The following PON1 variants were observed in gnomAD, a reference collection of about 807,000 sequenced individuals.
PON1 encodes the protein paraoxonase 1.
PON1 carries 37 observed loss-of-function variants against 39.2 expected under a neutral mutation model. That is an observed-to-expected ratio of 0.94 (90% CI 0.73 to 1.24). The LOEUF (loss-of-function observed/expected upper bound fraction) is 1.24, where lower values mean the gene tolerates loss of function less well. Ranked by LOEUF, PON1 falls within the 50% of genes most tolerant of loss-of-function variation. The pLI is 0.00. For missense variants in PON1, 397 were observed against 413.5 expected, an observed-to-expected ratio of 0.96 and a Z score of 0.35; for synonymous variants, 148 against 152.2, an observed-to-expected ratio of 0.97 and a Z score of 0.21.
rs3917541 is a variant in PON1, at chr7:95,308,312, G to A, written c.498-101C>T. On this transcript the variant is annotated intron_variant, in intron 5 of 8. Coordinates refer to ENST00000222381, the MANE Select transcript of PON1 (RefSeq NM_000446.7). ...CACTGTCTATTCCTAAAATCAAGAT[G>A]TGGGATGGAGCCTTCGTGCTAGCTA... is the stretch of plus-strand genomic sequence containing the variant. The A allele has an allele frequency of 0.071, 78,208 of 1,098,950 alleles. 3,743 individuals are homozygous for A. The highest frequency in any genetic ancestry group is 0.17 in the African/African-American group (10,795 of 63,936). The allele number at this position is 1,098,950 out of a possible 1,614,324, so 68.1% of individuals were successfully genotyped here.
At chr7:95,312,248 C>T (rs1024567243) in intron 4 of PON1, among the ~76,000 whole-genome samples, 4 of 152,188 alleles carry the variant, frequency 2.6e-5, no homozygotes, top group African/African-American at 9.7e-5. Flanking sequence ...GGCTGGAGTG[C>T]AATGGCGCCA....
At chr7:95,310,932 G>A (rs969147732) in intron 5 of PON1, among the ~76,000 whole-genome samples, 26 of 152,094 alleles carry the variant, frequency 1.7e-4, no homozygotes, top group Non-Finnish European at 3.1e-4. Context: ...CATGAACAAG[G>A]TGCCTAGGGG....
Position 95,311,538 on chromosome 7 carries a change from G to T in PON1, c.410C>A (p.Ala137Asp). 6 of 1,613,886 alleles carry T rather than the reference G, an allele frequency of 3.7e-6. No homozygotes were observed. Among genetic ancestry groups the T allele is most frequent in the Non-Finnish European group, 5.1e-6 (6 of 1,179,838 alleles). The change falls in exon 5 of 9, where the codon GCC (alanine) becomes GAC (aspartate). Residue 137 changes from alanine to aspartate, a missense_variant. Ala to Asp is a moderately radical substitution (Grantham distance 126). Transcript: ENST00000222381. ...TTTAAACAACTCCACTGTGGACTTG[G>T]CATCTGGATGGTTCACCACCAGGAG... Reference protein sequence around the residue: ...MYLLVVNHPDAKSTVELFKFQ... With the variant: ...MYLLVVNHPDDKSTVELFKFQ...
intron 8 of PON1, among the ~76,000 whole-genome samples, chr7:95,301,468 C>G (rs1212853350): frequency 2.0e-5 from 3 of 152,112 alleles, no homozygotes; most frequent in Non-Finnish European, 4.4e-5. Context: ...AGTATGGCAT[C>G]ATTATGTTCT....
At chr7:95,321,454 A>G (rs1161797264) in intron 1 of PON1, among the ~76,000 whole-genome samples, 1 of 152,146 alleles carries the variant, frequency 6.6e-6, no homozygotes, top group Non-Finnish European at 1.5e-5. Flanking sequence ...GCTACTACAC[A>G]CGCCTCATTC....
chr7:95,306,154 CT>C (rs1169425944), intron 7 of PON1, 130 bp downstream of exon 7: 1 of 775,664 alleles, frequency 1.3e-6, no homozygotes, highest in African/African-American at 1.7e-5. Flanking sequence ...GCTAATGACT[CT>C]TAATAAAGGA....
At chr7:95,306,957 A>G (rs913914191) in intron 6 of PON1, among the ~76,000 whole-genome samples, 2 of 151,916 alleles carry the variant, frequency 1.3e-5, no homozygotes, top group Non-Finnish European at 2.9e-5. Flanking sequence ...ATTATCTTCT[A>G]TTTTTTGAAA....
Position 95,307,930 on chromosome 7 carries a change from T to C in PON1, c.698+81A>G, listed in dbSNP as rs527346006. The stretch of plus-strand genomic sequence containing the variant: ...TAGGGTAACATGTTAAAATGTATCA[T>C]ATTACTTAAAAAAAGAATATATTCC... On this transcript the variant is annotated intron_variant, in intron 6 of 8. Coordinates refer to ENST00000222381, the MANE Select transcript of PON1 (RefSeq NM_000446.7). The C allele has an allele frequency of 3.4e-5, 45 of 1,305,634 alleles. No individual in the cohort carries two copies. The African/African-American group carries it at 4.1e-4, about 12-fold the overall frequency. The allele number at this position is 1,305,634 out of a possible 1,614,324, so 80.9% of individuals were successfully genotyped here. A position where few individuals can be genotyped will look rare whatever the true frequency, so the allele number is the denominator to read the frequency against.
At chr7:95,315,758 T>C (rs1807754346) in intron 3 of PON1, among the ~76,000 whole-genome samples, 1 of 152,102 alleles carries the variant, frequency 6.6e-6, no homozygotes, top group Non-Finnish European at 1.5e-5. Flanking sequence ...TTCCAGCCCA[T>C]GAGAAAGATC....
At chr7:95,318,559 G>A (rs546582770) in intron 1 of PON1, 166 bp from the exon 2 acceptor site, 1 of 618,288 alleles carries the variant, frequency 1.6e-6, no homozygotes, top group South Asian at 1.8e-5. Flanking sequence ...AAGACAAGTG[G>A]GGAACTCTGG....
Position 95,318,372 on chromosome 7 carries a change from T to A in PON1, c.96A>T (p.Arg32=). ...SSYQTRLNAL[R]EVQPVELPNC... The stretch of plus-strand genomic sequence containing the variant: ...TAGGAAGTTCTACGGGTTGTACCTC[T>A]CGGAGAGCATTAAGTCGTGTTCTGT... Residue 32 remains arginine (R), a synonymous_variant, in exon 2 of 9, where the codon CGA becomes CGT. Coordinates refer to ENST00000222381, the MANE Select transcript of PON1 (RefSeq NM_000446.7). 1 of 1,609,480 alleles carries A rather than the reference T, an allele frequency of 6.2e-7. No individual in the cohort carries two copies. The highest frequency in any genetic ancestry group is 8.5e-7 in the Non-Finnish European group (1 of 1,175,820).
At chr7:95,308,348 C>T in intron 5 of PON1, 137 bp from the exon 6 acceptor site, 1 of 786,596 alleles carries the variant, frequency 1.3e-6, no homozygotes, top group Non-Finnish European at 2.1e-6. Flanking sequence ...TAATGGAACA[C>T]AATTAATATG....
At chr7:95,314,882 C>A (rs769122435) in intron 4 of PON1, among the ~76,000 whole-genome samples, 37 of 152,154 alleles carry the variant, frequency 2.4e-4, no homozygotes, top group Non-Finnish European at 4.9e-4. Context: ...AACCAGCGGA[C>A]AGGAGGCATT....
chr7:95,313,632 G>A (rs1230746613), intron 4 of PON1, among the ~76,000 whole-genome samples: 2 of 151,542 alleles, frequency 1.3e-5, no homozygotes, highest in Admixed American at 6.6e-5. Context: ...GTGTGTGTGT[G>A]TGTGTGTGTG....
intron 8 of PON1, among the ~76,000 whole-genome samples, chr7:95,299,322 T>C (rs975532466): frequency 6.6e-6 from 1 of 152,096 alleles, no homozygotes; most frequent in Admixed American, 6.5e-5. Flanking sequence ...TATCTAGACC[T>C]ACAGGGATGA....
chr7:95,319,517 C>T (rs1807850326), intron 1 of PON1, among the ~76,000 whole-genome samples: 1 of 151,970 alleles, frequency 6.6e-6, no homozygotes, highest in Non-Finnish European at 1.5e-5. Context: ...AACGTATAAC[C>T]AGAGTAAAGA....
At chr7:95,323,850 C>T (rs2116332655) in intron 1 of PON1, among the ~76,000 whole-genome samples, 1 of 152,174 alleles carries the variant, frequency 6.6e-6, no homozygotes, top group East Asian at 1.9e-4. Context: ...GATGCTGGCT[C>T]CAGGGTTCCC....
chr7:95,311,149 G>T (rs1403282645), intron 5 of PON1, among the ~76,000 whole-genome samples: 1 of 145,750 alleles, frequency 6.9e-6, no homozygotes, highest in Non-Finnish European at 1.5e-5. Context: ...GCCGGTTTGG[G>T]TTTGAAATAC....
intron 7 of PON1, among the ~76,000 whole-genome samples, chr7:95,304,074 C>G (rs771249734): frequency 1.3e-5 from 2 of 152,120 alleles, no homozygotes; most frequent in African/African-American, 4.8e-5. Flanking sequence ...TCATCACCAT[C>G]CCTCTCCAGA....
Sources: allele counts gnomAD v4.1 joint callset (sites outside exome capture counted in the v4.1 genomes callset), GRCh38; gene constraint gnomAD v4.1.1; transcripts MANE v1.5; gene names NCBI Gene and HGNC (gene_info 2026-07-23, HGNC 2026-07-21).